The following PPCDC variants were observed in gnomAD, a reference collection of about 807,000 sequenced individuals.
PPCDC encodes phosphopantothenoylcysteine decarboxylase.
Under a neutral mutation model 20.7 loss-of-function variants are expected in PPCDC, and 20 were observed. The observed-to-expected ratio is 0.97, with a 90% confidence interval of 0.68 to 1.41. The LOEUF (loss-of-function observed/expected upper bound fraction) is 1.41. Among genes scored for constraint, PPCDC ranks in the 40% most tolerant of loss-of-function variants. The probability of loss-of-function intolerance (pLI) is 0.00; values close to 1 mark genes in which losing one functional copy is unlikely to be tolerated. For synonymous variants in PPCDC, 88 were observed against 100.3 expected (o/e 0.88, Z 0.73); for missense variants, 246 against 263.8 (o/e 0.93, Z 0.47).
intron 1 of PPCDC, among the ~76,000 whole-genome samples, chr15:75,026,353 A>G (rs1310923102): frequency 6.6e-6 from 1 of 152,224 alleles, no homozygotes; most frequent in Non-Finnish European, 1.5e-5. Context: ...TCAGATTCTA[A>G]CAGGGCTCCC....
intron 3 of PPCDC, 48 bp from the exon 4 acceptor site, chr15:75,044,338 C>G: frequency 6.2e-7 from 1 of 1,605,570 alleles, no homozygotes; most frequent in Non-Finnish European, 8.5e-7. Context: ...TGCCTTGGCG[C>G]TGCATCCTGC....
At chr15:75,024,374 G>A (rs1258397201) in intron 1 of PPCDC, among the ~76,000 whole-genome samples, 1 of 151,958 alleles carries the variant, frequency 6.6e-6, no homozygotes, top group Non-Finnish European at 1.5e-5. Flanking sequence ...TTGAGACAAG[G>A]TCTCATTCTG....
intron 2 of PPCDC, among the ~76,000 whole-genome samples, chr15:75,036,607 G>A (rs938496239): frequency 3.9e-5 from 6 of 152,254 alleles, no homozygotes; most frequent in Non-Finnish European, 7.4e-5. Context: ...GCCTCTGAGA[G>A]GTTAGGCAAA....
At chr15:75,029,954 G>A (rs1595898843) in intron 2 of PPCDC, among the ~76,000 whole-genome samples, 1 of 152,310 alleles carries the variant, frequency 6.6e-6, no homozygotes, top group Non-Finnish European at 1.5e-5. Flanking sequence ...CCCATCCCAC[G>A]CAGCCAGCGT....
At chr15:75,024,286 A>G (rs1479183115) in intron 1 of PPCDC, among the ~76,000 whole-genome samples, 1 of 152,112 alleles carries the variant, frequency 6.6e-6, no homozygotes, top group Non-Finnish European at 1.5e-5. Context: ...CCTTTCTAGT[A>G]GCCCACGTGT....
At position 75,049,511 on chromosome 15, in the gene PPCDC, G is replaced by A. The variant is rs1595917400; in HGVS notation, c.*276G>A. 4.5e-6 allele frequency: 2 copies of A among 441,918 alleles called. No homozygotes were observed. Among genetic ancestry groups the A allele is most frequent in the South Asian group, 5.3e-5 (2 of 37,608 alleles). 27.4% of individuals were successfully genotyped at this position (441,918 alleles called of 1,614,324 possible). A position where few individuals can be genotyped will look rare whatever the true frequency, so the allele number is the denominator to read the frequency against. On this transcript the variant is annotated 3_prime_UTR_variant, in exon 6 of 6. Coordinates refer to ENST00000342932, the MANE Select transcript of PPCDC (RefSeq NM_021823.5). ...GGAGAGCAAGCAGTGTTGTCCTCAC[G>A]GGAGGAGGACTGAGCGACTGGGAAA...
chr15:75,038,442 G>A (rs2066111700), intron 2 of PPCDC, among the ~76,000 whole-genome samples: 1 of 152,208 alleles, frequency 6.6e-6, no homozygotes. Context: ...AAGTTTACCA[G>A]GGACATGTGA....
At chr15:75,033,234 G>A (rs1331826009) in intron 2 of PPCDC, among the ~76,000 whole-genome samples, 4 of 152,156 alleles carry the variant, frequency 2.6e-5, no homozygotes, top group African/African-American at 4.8e-5. Flanking sequence ...ATTCATTTAC[G>A]TATTGCCTAT....
At position 75,048,724 on chromosome 15, in the gene PPCDC, G is replaced by T; in HGVS notation, c.529+3G>T. ...GAAGCTGGTGTGCGGAGATGAAGGT[G>T]GGTGTCTTGCCAGGCTTATAGCCCA... On this transcript the variant is annotated splice_donor_region_variant and intron_variant, in intron 5 of 5. Transcript: ENST00000342932. 2.5e-6 allele frequency: 4 copies of T among 1,613,782 alleles called. No homozygotes were observed. Among genetic ancestry groups the T allele is most frequent in the Non-Finnish European group, 8.5e-7 (1 of 1,179,782 alleles).
chr15:75,030,338 T>C (rs945681261), intron 2 of PPCDC, among the ~76,000 whole-genome samples: 1 of 152,226 alleles, frequency 6.6e-6, no homozygotes, highest in Non-Finnish European at 1.5e-5. Flanking sequence ...CACTCGGTTG[T>C]GTGTGTTTCC....
intron 2 of PPCDC, among the ~76,000 whole-genome samples, chr15:75,031,674 A>G (rs749284881): frequency 3.3e-5 from 5 of 152,212 alleles, no homozygotes; most frequent in African/African-American, 4.8e-5. Flanking sequence ...ACTGCACTCC[A>G]GTCTGGGTAA....
At position 75,036,114 on chromosome 15, in the gene PPCDC, A is replaced by C. The variant is rs541512206; in HGVS notation, c.136-7327A>C. Among the ~76,000 whole-genome samples, 225 of 152,294 alleles carry C rather than the reference A, an allele frequency of 1.5e-3. 5 individuals carry two copies. In the South Asian group the frequency reaches 0.024, roughly 16 times the overall value. On this transcript the variant is annotated intron_variant, in intron 2 of 5. Coordinates refer to ENST00000342932, the MANE Select transcript of PPCDC (RefSeq NM_021823.5). ...CTTCTACCAGGACCCACAAAGGTGTAAGAGAAAGCCAAGGAAGGCTCCTGC... is the reference window on the plus strand; with the variant it reads ...CTTCTACCAGGACCCACAAAGGTGTCAGAGAAAGCCAAGGAAGGCTCCTGC...
rs369489084 is a variant in PPCDC, at chr15:75,048,641, C to T, written c.449C>T (p.Ala150Val). The change falls in exon 5 of 6, where the codon GCG (alanine) becomes GTG (valine). Residue 150 changes from alanine to valine, a missense_variant. Ala to Val is a moderately conservative substitution (Grantham distance 64). This residue lies in a region of PPCDC where 225 missense variants were observed against 222.6 expected (regional missense o/e 1.01). Coordinates refer to ENST00000342932, the MANE Select transcript of PPCDC (RefSeq NM_021823.5). ...NTAMWEHPIT[A>V]QQVDQLKAFG... ...GCCATGTGGGAGCACCCGATCACAG[C>T]GCAGCAGGTAGACCAGCTCAAGGCC... 3.7e-5 allele frequency: 60 copies of T among 1,614,132 alleles called. No individual in the cohort carries two copies. The highest frequency in any genetic ancestry group is 1.9e-4 in the African/African-American group (14 of 74,954).
At chr15:75,042,432 C>T (rs1021843298) in intron 2 of PPCDC, among the ~76,000 whole-genome samples, 4 of 152,032 alleles carry the variant, frequency 2.6e-5, no homozygotes, top group Non-Finnish European at 5.9e-5. Context: ...GGGTGGATCA[C>T]CTGAGGTCAG....
At chr15:75,049,007 T>G in intron 5 of PPCDC, 143 bp from the exon 6 acceptor site, 1 of 835,764 alleles carries the variant, frequency 1.2e-6, no homozygotes, top group Non-Finnish European at 1.9e-6. Context: ...TTGGGAGAGA[T>G]CTGATGTGTC....
At chr15:75,028,993 G>C (rs2065989877) in intron 2 of PPCDC, among the ~76,000 whole-genome samples, 1 of 152,156 alleles carries the variant, frequency 6.6e-6, no homozygotes, top group Non-Finnish European at 1.5e-5. Flanking sequence ...ACTGTGTGCT[G>C]GGGTGAGGGA....
rs1388173205 is a variant in PPCDC at position 75,043,438 on chromosome 15, CA to C, written c.136-2del. 6.2e-7 allele frequency: 1 copy of C among 1,609,034 alleles called. No individual in the cohort carries two copies. Among genetic ancestry groups the C allele is most frequent in the Non-Finnish European group, 8.5e-7 (1 of 1,177,320 alleles). On this transcript the variant is annotated splice_acceptor_variant, in intron 2 of 5. Transcript: ENST00000342932. LOFTEE classifies it high-confidence loss of function. The stretch of plus-strand genomic sequence containing the variant: ...CCCGCCACCCCCTTCTTCTTGGTGA[CA>C]GCTGGAAGTAGCAGTGGTCACAACT...
At chr15:75,043,415 C>T (rs144263612) in intron 2 of PPCDC, 26 bp from the exon 3 acceptor site, 154 of 1,587,634 alleles carry the variant, frequency 9.7e-5, no homozygotes, top group East Asian at 2.0e-4. Flanking sequence ...CCTCCCTCCC[C>T]GCCACCCCCT....
chr15:75,044,895 G>A, intron 4 of PPCDC: 2 of 238,886 alleles, frequency 8.4e-6, no homozygotes, highest in African/African-American at 2.3e-5. Flanking sequence ...TGCCTTCTCC[G>A]CAGATCTGGG....
Sources: allele counts gnomAD v4.1 joint callset (sites outside exome capture counted in the v4.1 genomes callset), GRCh38; gene constraint gnomAD v4.1.1; regional missense constraint gnomAD v4.1.1; transcripts MANE v1.5; gene names NCBI Gene and HGNC (gene_info 2026-07-23, HGNC 2026-07-21).